PTPRO: variants seen among roughly 807,000 people sequenced by gnomAD.
PTPRO encodes receptor-type tyrosine-protein phosphatase O.
PTPRO carries 62 observed loss-of-function variants against 145.2 expected under a neutral mutation model. The observed-to-expected ratio is 0.43, with a 90% CI of 0.35 to 0.53. The LOEUF is 0.53. Ranked by LOEUF, PTPRO falls within the 20% of genes least tolerant of loss-of-function variation. The probability of loss-of-function intolerance (pLI) is 0.01; values close to 1 mark genes in which losing one functional copy is unlikely to be tolerated. For missense variants in PTPRO, 1,345 were observed against 1,482.7 expected (o/e 0.91, Z 1.53); for synonymous variants, 565 against 514.7 (o/e 1.10, Z -1.32).
intron 1 of PTPRO, among the ~76,000 whole-genome samples, chr12:15,355,522 G>T (rs1418174912): frequency 4.2e-5 from 6 of 141,966 alleles, no homozygotes; most frequent in Non-Finnish European, 9.6e-5. Context: ...CTGAAAAGCA[G>T]TGTTGGCCTT....
At chr12:15,491,028 C>A (rs973457688) in intron 2 of PTPRO, among the ~76,000 whole-genome samples, 2 of 152,138 alleles carry the variant, frequency 1.3e-5, no homozygotes, top group South Asian at 4.1e-4. Flanking sequence ...TGATGGTCAC[C>A]ACCTCACTTG....
At chr12:15,384,096 A>T (rs1339427978) in intron 1 of PTPRO, among the ~76,000 whole-genome samples, 2 of 152,112 alleles carry the variant, frequency 1.3e-5, no homozygotes, top group Non-Finnish European at 2.9e-5. Flanking sequence ...AAGATAGGAG[A>T]GTATAATAAG....
At chr12:15,374,505 T>C (rs914550291) in intron 1 of PTPRO, among the ~76,000 whole-genome samples, 2 of 152,144 alleles carry the variant, frequency 1.3e-5, no homozygotes, top group African/African-American at 2.4e-5. Context: ...TTGAGTAGCC[T>C]TAAAAAACAA....
chr12:15,561,427 AT>A (rs1943769809), intron 17 of PTPRO, among the ~76,000 whole-genome samples: 2 of 152,102 alleles, frequency 1.3e-5, no homozygotes, highest in African/African-American at 4.8e-5. Context: ...CAAAATAGAG[AT>A]TGTTAATTCC....
At chr12:15,510,314 G>T (rs1326278012) in intron 7 of PTPRO, among the ~76,000 whole-genome samples, 1 of 152,150 alleles carries the variant, frequency 6.6e-6, no homozygotes, top group African/African-American at 2.4e-5. Flanking sequence ...CGATTAACTA[G>T]TAATCACAGT....
intron 12 of PTPRO, among the ~76,000 whole-genome samples, chr12:15,542,875 T>A (rs1254255441): frequency 6.6e-6 from 1 of 152,236 alleles, no homozygotes; most frequent in Non-Finnish European, 1.5e-5. Context: ...ATGTGGCTAG[T>A]GGCTGTGTTG....
intron 2 of PTPRO, among the ~76,000 whole-genome samples, chr12:15,488,852 T>C (rs1941943222): frequency 6.6e-6 from 1 of 152,162 alleles, no homozygotes; most frequent in Non-Finnish European, 1.5e-5. Context: ...TTCAGTATAT[T>C]GCCTGCCCTT....
At chr12:15,471,806 C>T (rs1941548554) in intron 1 of PTPRO, among the ~76,000 whole-genome samples, 1 of 152,138 alleles carries the variant, frequency 6.6e-6, no homozygotes, top group Non-Finnish European at 1.5e-5. Flanking sequence ...TAGAGAGAGG[C>T]CATCTCTGGC....
intron 1 of PTPRO, among the ~76,000 whole-genome samples, chr12:15,399,907 C>T (rs1044113223): frequency 1.1e-4 from 17 of 151,048 alleles, no homozygotes; most frequent in East Asian, 2.0e-4. Context: ...AAAAATTAGA[C>T]GGGCGTGTTG....
At chr12:15,331,729 C>G (rs1188393036) in intron 1 of PTPRO, among the ~76,000 whole-genome samples, 1 of 152,146 alleles carries the variant, frequency 6.6e-6, no homozygotes, top group Non-Finnish European at 1.5e-5. Context: ...ACTGGAGAGG[C>G]TGGCAATACT....
chr12:15,532,132 C>T (rs1192545088), intron 12 of PTPRO, among the ~76,000 whole-genome samples: 1 of 152,086 alleles, frequency 6.6e-6, no homozygotes, highest in African/African-American at 2.4e-5. Context: ...TCTTTGTCTC[C>T]TATTTGCCAA....
intron 2 of PTPRO, among the ~76,000 whole-genome samples, chr12:15,491,203 C>T (rs1211914387): frequency 6.6e-6 from 1 of 152,200 alleles, no homozygotes; most frequent in Non-Finnish European, 1.5e-5. Flanking sequence ...GGTCTAATCC[C>T]AGATCCTCTC....
chr12:15,448,369 T>A (rs1940961725), intron 1 of PTPRO, among the ~76,000 whole-genome samples: 1 of 24,784 alleles, frequency 4.0e-5, no homozygotes, highest in Non-Finnish European at 1.8e-4. Context: ...AAGCACCGAT[T>A]GAGAAGGAAG....
At chr12:15,468,677 C>T (rs770211059) in intron 1 of PTPRO, among the ~76,000 whole-genome samples, 4 of 152,202 alleles carry the variant, frequency 2.6e-5, no homozygotes, top group Non-Finnish European at 5.9e-5. Flanking sequence ...TCCTCTCTCT[C>T]CACAGACTCA....
chr12:15,580,262 T>C (rs1298503283), intron 21 of PTPRO, 147 bp downstream of exon 21: 2 of 678,390 alleles, frequency 2.9e-6, no homozygotes, highest in African/African-American at 1.8e-5. Flanking sequence ...CTCCGTTTCA[T>C]AATAAAGAAT....
intron 25 of PTPRO, among the ~76,000 whole-genome samples, chr12:15,592,665 C>T (rs1018900012): frequency 6.6e-6 from 1 of 152,206 alleles, no homozygotes; most frequent in African/African-American, 2.4e-5. Flanking sequence ...CACTTTACTG[C>T]TGCACAAGTC....
intron 1 of PTPRO, among the ~76,000 whole-genome samples, chr12:15,428,096 T>C (rs937789984): frequency 6.6e-6 from 1 of 152,190 alleles, no homozygotes; most frequent in African/African-American, 2.4e-5. Context: ...TTTCTTGTTA[T>C]GCAAGCAGGA....
chr12:15,559,593 T>C (rs904598060), intron 16 of PTPRO, among the ~76,000 whole-genome samples: 2 of 152,190 alleles, frequency 1.3e-5, no homozygotes, highest in Non-Finnish European at 2.9e-5. Flanking sequence ...TTATCTTGAA[T>C]GAATGATATC....
intron 18 of PTPRO, among the ~76,000 whole-genome samples, chr12:15,567,172 A>G (rs1026212601): frequency 6.6e-6 from 1 of 152,064 alleles, no homozygotes; most frequent in Admixed American, 6.6e-5. Context: ...ACTCACATCA[A>G]TTCGGCTTCC....
Sources: allele counts gnomAD v4.1 joint callset (sites outside exome capture counted in the v4.1 genomes callset), GRCh38; gene constraint gnomAD v4.1.1; transcripts MANE v1.5; gene names NCBI Gene and HGNC (gene_info 2026-07-23, HGNC 2026-07-21).